Variants in ARHGAP35 observed in about 807,000 individuals in gnomAD.
ARHGAP35 encodes rho GTPase-activating protein 35.
Under a neutral mutation model 111.1 loss-of-function variants are expected in ARHGAP35, and 15 were observed. That is an observed-to-expected ratio of 0.13 (90% CI 0.09 to 0.21). The LOEUF is 0.21. ARHGAP35 is among the 10% of genes least tolerant of loss of function. The probability of loss-of-function intolerance (pLI) is 1.00; values close to 1 mark genes in which losing one functional copy is unlikely to be tolerated. For missense variants in ARHGAP35, 1,262 were observed against 1,873.0 expected (o/e 0.67, Z 6.02); for synonymous variants, 643 against 710.3 (o/e 0.91, Z 1.51).
rs78115907 is a variant in ARHGAP35, at chr19:46,945,030, G to A, written c.3826+7622G>A. ...GATGCTTTTAGGACAGCCCAGCCCC[G>A]GACACCCTCTGTGCTTGCTGTGCTA... On this transcript the variant is annotated intron_variant, in intron 3 of 6. Coordinates refer to ENST00000672722, the MANE Select transcript of ARHGAP35 (RefSeq NM_004491.5). The surrounding 1 kb of genome is among the most constrained non-coding windows in gnomAD (Gnocchi z 4.1). Among the ~76,000 whole-genome samples the A allele has an allele frequency of 1.7e-4, 26 of 152,224 alleles. No homozygotes were observed. The highest frequency in any genetic ancestry group is 6.3e-4 in the African/African-American group (26 of 41,548).
intron 3 of ARHGAP35, among the ~76,000 whole-genome samples, chr19:46,976,210 CTTTTTTT>C (rs772367746): frequency 1.7e-5 from 2 of 118,732 alleles, no homozygotes; most frequent in African/African-American, 3.3e-5. Context: ...AAGCTTTCTC[CTTTTTTT>C]TTTTTTTTTT....
At chr19:46,947,377 T>C (rs537127084) in intron 3 of ARHGAP35, 13 of 152,316 alleles carry the variant, frequency 8.5e-5, no homozygotes, top group Admixed American at 7.8e-4. Flanking sequence ...GGACCCAGTG[T>C]TGGTGAGGAT....
intron 1 of ARHGAP35, among the ~76,000 whole-genome samples, chr19:46,880,157 G>A (rs2055953012): frequency 6.6e-6 from 1 of 152,006 alleles, no homozygotes; most frequent in Non-Finnish European, 1.5e-5. Flanking sequence ...TTCCTGGCTG[G>A]GCGTGTGGCT....
At chr19:46,862,789 A>C (rs1005111352) in intron 1 of ARHGAP35, among the ~76,000 whole-genome samples, 18 of 151,798 alleles carry the variant, frequency 1.2e-4, no homozygotes, top group Non-Finnish European at 1.5e-4. Flanking sequence ...AGTTTTCCAC[A>C]TGACAGTCTC....
intron 1 of ARHGAP35, among the ~76,000 whole-genome samples, chr19:46,891,549 C>T (rs1477633358): frequency 3.3e-5 from 5 of 151,964 alleles, no homozygotes; most frequent in African/African-American, 4.8e-5. Flanking sequence ...TCCTCAGCCT[C>T]CCAAGTAGCT....
chr19:46,869,691 AATTG>A (rs1429444055), intron 1 of ARHGAP35, among the ~76,000 whole-genome samples: 5 of 152,072 alleles, frequency 3.3e-5, no homozygotes, highest in African/African-American at 9.7e-5. Flanking sequence ...TTCAGTAACA[AATTG>A]ATTGTGTACA....
At chr19:46,886,163 A>G (rs1452138989) in intron 1 of ARHGAP35, among the ~76,000 whole-genome samples, 1 of 152,036 alleles carries the variant, frequency 6.6e-6, no homozygotes, top group Non-Finnish European at 1.5e-5. Context: ...GCTCATTTCA[A>G]ATGCCTCCTC....
At chr19:46,917,705 C>G (rs1251549012) in intron 1 of ARHGAP35, among the ~76,000 whole-genome samples, 1 of 152,048 alleles carries the variant, frequency 6.6e-6, no homozygotes, top group African/African-American at 2.4e-5. Context: ...CTTTGGGTTG[C>G]TTCCATGTTT....
intron 3 of ARHGAP35, among the ~76,000 whole-genome samples, chr19:46,976,021 T>C (rs1388605114): frequency 6.6e-6 from 1 of 152,208 alleles, no homozygotes. Context: ...ACAGGCTTTA[T>C]GTGAGTAATT....
intron 3 of ARHGAP35, among the ~76,000 whole-genome samples, chr19:46,973,458 A>C (rs750436335): frequency 6.6e-6 from 1 of 152,200 alleles, no homozygotes; most frequent in Non-Finnish European, 1.5e-5. Context: ...TGGGAGGCCA[A>C]GGCGGGTGGA....
chr19:46,962,405 C>G (rs895304268), intron 3 of ARHGAP35, among the ~76,000 whole-genome samples: 4 of 152,196 alleles, frequency 2.6e-5, no homozygotes, highest in African/African-American at 9.6e-5. Context: ...GACAATGTCT[C>G]TCACCTTGAG....
At chr19:46,872,750 A>G (rs964593584) in intron 1 of ARHGAP35, among the ~76,000 whole-genome samples, 11 of 151,790 alleles carry the variant, frequency 7.2e-5, no homozygotes. Context: ...GCATGGTGGC[A>G]GGCGCCTGTA....
intron 1 of ARHGAP35, among the ~76,000 whole-genome samples, chr19:46,896,647 G>A (rs538776031): frequency 2.4e-4 from 37 of 152,228 alleles, no homozygotes; most frequent in African/African-American, 8.9e-4. Flanking sequence ...TAAGCCACGT[G>A]TGTGGGCCTC....
In ARHGAP35 at chr19:47,001,665, C is replaced by T. The variant is rs2056749271; in HGVS notation, c.*977C>T. 5.6e-6 allele frequency: 2 copies of T among 354,064 alleles called. No homozygotes were observed. The highest frequency in any genetic ancestry group is 2.2e-5 in the South Asian group (1 of 45,370). 21.9% of individuals were successfully genotyped at this position (354,064 alleles called of 1,614,324 possible). A position where few individuals can be genotyped will look rare whatever the true frequency, so the allele number is the denominator to read the frequency against. On this transcript the variant is annotated 3_prime_UTR_variant, in exon 7 of 7. Transcript: ENST00000672722. This position sits in a 1 kb window ranked among gnomAD's most constrained non-coding sequence, Gnocchi z 5.4. ...ACAGCTGGGGAGATGGCAGTGCAGG[C>T]TGGAACCTGGGCTGCCCCAGAACAC...
chr19:46,914,093 AAC>A (rs1367062266), intron 1 of ARHGAP35, among the ~76,000 whole-genome samples: 4 of 152,340 alleles, frequency 2.6e-5, no homozygotes, highest in East Asian at 1.9e-4. Context: ...TTAGATTTAT[AAC>A]AGTCTTTGTT....
chr19:46,990,255 T>C (rs2056672801), intron 5 of ARHGAP35, among the ~76,000 whole-genome samples: 1 of 152,232 alleles, frequency 6.6e-6, no homozygotes, highest in East Asian at 1.9e-4. Flanking sequence ...TTAGCACCTC[T>C]GGTTTTAATG....
intron 1 of ARHGAP35, among the ~76,000 whole-genome samples, chr19:46,910,459 T>A (rs1056908426): frequency 9.3e-5 from 13 of 140,402 alleles, no homozygotes; most frequent in Non-Finnish European, 1.1e-4. Context: ...ACCCAGCGAA[T>A]TTTTTTTTTT....
At chr19:46,976,977 TC>T (rs967985544) in intron 3 of ARHGAP35, among the ~76,000 whole-genome samples, 36 of 152,234 alleles carry the variant, frequency 2.4e-4, no homozygotes, top group Admixed American at 2.4e-3. Context: ...TCTGCTTTTT[TC>T]CTGTTCATTT....
intron 1 of ARHGAP35, among the ~76,000 whole-genome samples, chr19:46,873,914 A>G (rs540489758): frequency 1.3e-5 from 2 of 152,010 alleles, no homozygotes; most frequent in Non-Finnish European, 2.9e-5. Flanking sequence ...ACCCTGGGCT[A>G]ATTTTGTATT....
Sources: gnomAD v4.1 joint callset for allele counts (sites outside exome capture counted in the v4.1 genomes callset) on GRCh38, gnomAD v4.1.1 for gene constraint, Gnocchi (gnomAD v3.1) non-coding constraint, MANE v1.5 for transcripts, NCBI Gene and HGNC (gene_info 2026-07-23, HGNC 2026-07-21) for gene names.